Variants in TSPAN18 observed in about 807,000 individuals in gnomAD.
TSPAN18 encodes tetraspanin-18.
A neutral mutation model predicts 27.3 loss-of-function variants in TSPAN18; 14 were observed. The observed-to-expected ratio is 0.51, with a 90% CI of 0.34 to 0.80. The LOEUF is 0.80. TSPAN18 is among the 30% of genes least tolerant of loss of function. The pLI, the probability that TSPAN18 is intolerant of heterozygous loss-of-function variation, is 0.01. For synonymous variants in TSPAN18, 143 were observed against 136.5 expected (o/e 1.05, Z -0.33); for missense variants, 268 against 323.9 (o/e 0.83, Z 1.32).
At chr11:44,883,447 T>C (rs1157553676) in intron 3 of TSPAN18, among the ~76,000 whole-genome samples, 1 of 152,196 alleles carries the variant, frequency 6.6e-6, no homozygotes, top group Non-Finnish European at 1.5e-5. Context: ...GTGCTTCTTT[T>C]CCGTGTTTCA....
intron 1 of TSPAN18, among the ~76,000 whole-genome samples, chr11:44,731,633 T>TGTGTGTGAGAGAGAGA (rs139154582): frequency 4.8e-4 from 52 of 107,436 alleles, no homozygotes; most frequent in Admixed American, 9.0e-4. Flanking sequence ...TGTGTGTGTG[T>TGTGTGTGAGAGAGAGA]GAGAGAGAGA....
chr11:44,817,264 G>T (rs12420165), intron 2 of TSPAN18, among the ~76,000 whole-genome samples: 46,403 of 152,194 alleles, frequency 0.3, 8,547 homozygotes, highest in Non-Finnish European at 0.4. Context: ...GAGTAAAATG[G>T]GATTTATATT....
At chr11:44,846,003 T>C (rs553217111) in intron 2 of TSPAN18, among the ~76,000 whole-genome samples, 5 of 152,356 alleles carry the variant, frequency 3.3e-5, no homozygotes, top group South Asian at 4.1e-4. Context: ...TGTTATTGCA[T>C]CTGTAAGATG....
At chr11:44,727,786 A>T (rs1014437080) in intron 1 of TSPAN18, among the ~76,000 whole-genome samples, 2 of 151,164 alleles carry the variant, frequency 1.3e-5, no homozygotes, top group African/African-American at 4.9e-5. Flanking sequence ...GGTCCCTGGC[A>T]GCGGGGCGGG....
chr11:44,851,816 C>T (rs1857613350), intron 2 of TSPAN18, among the ~76,000 whole-genome samples: 1 of 152,198 alleles, frequency 6.6e-6, no homozygotes, highest in African/African-American at 2.4e-5. Context: ...CATCCAGGTG[C>T]TACTTTCTCC....
chr11:44,785,691 T>G (rs1350142258), intron 2 of TSPAN18, among the ~76,000 whole-genome samples: 1 of 152,202 alleles, frequency 6.6e-6, no homozygotes, highest in African/African-American at 2.4e-5. Context: ...CCTGCCCCTT[T>G]CCTTTTCAGT....
intron 1 of TSPAN18, among the ~76,000 whole-genome samples, chr11:44,749,008 A>T (rs1855147180): frequency 6.6e-6 from 1 of 152,164 alleles, no homozygotes; most frequent in Non-Finnish European, 1.5e-5. Context: ...AGACTGGTGC[A>T]TGGTGAGGCT....
intron 2 of TSPAN18, among the ~76,000 whole-genome samples, chr11:44,846,520 C>T (rs1452170173): frequency 6.6e-6 from 1 of 152,084 alleles, no homozygotes; most frequent in Non-Finnish European, 1.5e-5. Flanking sequence ...ACTCGACAAA[C>T]GTCAAGTCTA....
chr11:44,804,354 G>C (rs1351260631), intron 2 of TSPAN18, among the ~76,000 whole-genome samples: 1 of 152,218 alleles, frequency 6.6e-6, no homozygotes, highest in Non-Finnish European at 1.5e-5. Flanking sequence ...GCCTCCCAAA[G>C]TGCTGGGATT....
intron 1 of TSPAN18, among the ~76,000 whole-genome samples, chr11:44,742,682 T>C (rs1406862557): frequency 6.6e-6 from 1 of 152,112 alleles, no homozygotes; most frequent in Non-Finnish European, 1.5e-5. Context: ...GGACACAGAG[T>C]GTTTCTGCTC....
chr11:44,839,427 T>C (rs1350822266), intron 2 of TSPAN18, among the ~76,000 whole-genome samples: 1 of 152,166 alleles, frequency 6.6e-6, no homozygotes, highest in East Asian at 1.9e-4. Flanking sequence ...CTCGGGCTCT[T>C]TTCCCTTTTC....
At chr11:44,850,942 C>A (rs939772041) in intron 2 of TSPAN18, among the ~76,000 whole-genome samples, 26 of 152,206 alleles carry the variant, frequency 1.7e-4, no homozygotes, top group African/African-American at 6.0e-4. Flanking sequence ...TGGTGGAATA[C>A]CTCTGTCTCC....
intron 1 of TSPAN18, among the ~76,000 whole-genome samples, chr11:44,728,039 C>T (rs1007241563): frequency 6.6e-5 from 10 of 152,358 alleles, no homozygotes; most frequent in African/African-American, 2.4e-4. Flanking sequence ...CGGCCCTCGC[C>T]AGCAGGAAGC....
chr11:44,907,793 A>G (rs1050927193), intron 4 of TSPAN18, among the ~76,000 whole-genome samples: 19 of 152,218 alleles, frequency 1.2e-4, no homozygotes, highest in African/African-American at 4.6e-4. Flanking sequence ...AGTGGCTCAC[A>G]TCTGTAATCC....
chr11:44,823,908 C>T (rs182015364), intron 2 of TSPAN18, among the ~76,000 whole-genome samples: 20 of 152,066 alleles, frequency 1.3e-4, no homozygotes, highest in Admixed American at 2.6e-4. Context: ...GCCCCCCTCT[C>T]GGAACTGGGC....
rs144050984 is a variant in TSPAN18 at position 44,737,107 on chromosome 11, T to C, written c.-240+9820T>C. Among the ~76,000 whole-genome samples the C allele has an allele frequency of 4.2e-3, 647 of 152,328 alleles. 1 individual carries two copies. Among genetic ancestry groups the C allele is most frequent in the Admixed American group, 8.9e-3 (137 of 15,308 alleles). On this transcript the variant is annotated intron_variant, in intron 1 of 9. Coordinates refer to ENST00000520358, the MANE Select transcript of TSPAN18 (RefSeq NM_130783.5). ...TGGGTAGATTCTTAGCTATAGCTTC[T>C]TTGGGATTCCATCCCTCCTTGCTAT... is the stretch of plus-strand genomic sequence containing the variant.
chr11:44,919,704 C>T (rs1384251050), intron 7 of TSPAN18, 113 bp from the exon 8 acceptor site: 4 of 1,102,216 alleles, frequency 3.6e-6, no homozygotes, highest in Admixed American at 3.9e-5. Context: ...GTGGAGCCCG[C>T]CCACACCCAG....
intron 2 of TSPAN18, among the ~76,000 whole-genome samples, chr11:44,820,375 C>T (rs1039172645): frequency 1.3e-5 from 2 of 152,210 alleles, no homozygotes; most frequent in Admixed American, 6.5e-5. Context: ...TGGGCACAGG[C>T]GTCCTCCCTG....
intron 2 of TSPAN18, among the ~76,000 whole-genome samples, chr11:44,778,464 T>C (rs937039371): frequency 3.3e-5 from 5 of 152,250 alleles, no homozygotes; most frequent in African/African-American, 1.2e-4. Context: ...TATCTATTGA[T>C]TCCAGCTGGC....
Sources: gnomAD v4.1 joint callset for allele counts (sites outside exome capture counted in the v4.1 genomes callset) on GRCh38, gnomAD v4.1.1 for gene constraint, MANE v1.5 for transcripts, NCBI Gene and HGNC (gene_info 2026-07-23, HGNC 2026-07-21) for gene names.